Variants in KCNMA1 observed in about 807,000 individuals in gnomAD.
KCNMA1 encodes Calcium-activated potassium channel subunit alpha-1.
A neutral mutation model predicts 140.0 loss-of-function variants in KCNMA1; 29 were observed. That is an observed-to-expected ratio of 0.21 (90% confidence interval 0.15 to 0.28). KCNMA1 has a LOEUF of 0.28. Ranked by LOEUF, KCNMA1 falls within the 10% of genes least tolerant of loss-of-function variation. KCNMA1 has a pLI of 1.00. For synonymous variants in KCNMA1, 612 were observed against 611.9 expected (o/e 1.00, Z 0.00); for missense variants, 880 against 1,602.2 (o/e 0.55, Z 7.70).
chr10:77,437,972 C>T (rs922948148), intron 1 of KCNMA1, among the ~76,000 whole-genome samples: 4 of 152,182 alleles, frequency 2.6e-5, no homozygotes, highest in African/African-American at 9.7e-5. Flanking sequence ...AAGGGTGCAG[C>T]TGCTACCCAG....
At position 77,110,199 on chromosome 10, in the gene KCNMA1, T is replaced by G; in HGVS notation, c.1105A>C (p.Met369Leu). The change falls in exon 8 of 28, where the codon ATG (methionine) becomes CTG (leucine). Residue 369 changes from methionine to leucine, a missense_variant. This residue lies in a region of KCNMA1 where 198 missense variants were observed against 580.1 expected (regional missense o/e 0.34). Transcript: ENST00000286628. ...YAKTTLGRLFMVFFILGGLAM... is the reference protein window; with the variant it reads ...YAKTTLGRLFLVFFILGGLAM... The stretch of plus-strand genomic sequence containing the variant: ...AGTCCCCCGAGGATGAAGAAGACCA[T>G]GAAGAGGCGCCCAAGTGTGGTTTTT... The G allele has an allele frequency of 6.2e-7, 1 of 1,613,992 alleles. No individual in the cohort carries two copies. The highest frequency in any genetic ancestry group is 8.5e-7 in the Non-Finnish European group (1 of 1,179,956).
rs74840966 is a variant in KCNMA1, at chr10:76,984,664, T to C, written c.2267-14597A>G. On this transcript the variant is annotated intron_variant, in intron 19 of 27. Coordinates refer to ENST00000286628, the MANE Select transcript of KCNMA1 (RefSeq NM_001161352.2). ...ATAGATATTAGATTAAAATGGGAAC[T>C]TGCCACATAACAATAATCAGATAGC... Among the ~76,000 whole-genome samples the C allele has an allele frequency of 7.5e-4, 115 of 152,340 alleles. No individual in the cohort carries two copies. The East Asian group carries it at 0.021, about 28-fold the overall frequency.
intron 1 of KCNMA1, among the ~76,000 whole-genome samples, chr10:77,596,241 A>G (rs1178081636): frequency 1.3e-5 from 2 of 152,228 alleles, no homozygotes; most frequent in Non-Finnish European, 2.9e-5. Flanking sequence ...ATCTGTGGAC[A>G]GGGACACTGG....
At position 77,427,715 on chromosome 10, in the gene KCNMA1, CCATT is replaced by C. The variant is rs1393147815; in HGVS notation, c.379-23696_379-23693del. ...AAGTCATCCAATCCTGAGCATCCAT[CCATT>C]CATTTATTTATTTATTTATTTATTT... On this transcript the variant is annotated intron_variant, in intron 1 of 27. Transcript: ENST00000286628. Among the ~76,000 whole-genome samples, 524 of 62,062 alleles carry C rather than the reference CCATT, an allele frequency of 8.4e-3. 3 individuals are homozygous for C. The highest frequency in any genetic ancestry group is 0.034 in the African/African-American group (456 of 13,354). The allele number at this position is 62,062 out of a possible 152,430, so 40.7% of individuals were successfully genotyped here. A position where few individuals can be genotyped will look rare whatever the true frequency, so the allele number is the denominator to read the frequency against.
intron 15 of KCNMA1, among the ~76,000 whole-genome samples, chr10:77,028,878 A>C (rs575334279): frequency 1.3e-5 from 2 of 152,352 alleles, no homozygotes; most frequent in African/African-American, 2.4e-5. Context: ...CAAAAGGTGC[A>C]GTAAAATGTT....
intron 15 of KCNMA1, among the ~76,000 whole-genome samples, chr10:77,033,138 C>T (rs184512647): frequency 2.6e-5 from 4 of 152,168 alleles, no homozygotes; most frequent in Non-Finnish European, 4.4e-5. Flanking sequence ...GAAGTAGATA[C>T]GGATACAAAC....
At chr10:77,025,566 G>C (rs2093372233) in intron 16 of KCNMA1, 1 of 885,538 alleles carries the variant, frequency 1.1e-6, no homozygotes, top group African/African-American at 1.7e-5. Flanking sequence ...CTTGAAGGAT[G>C]CATGTGAAAA....
At chr10:77,203,381 A>AC (rs2043034854) in intron 3 of KCNMA1, among the ~76,000 whole-genome samples, 2 of 152,062 alleles carry the variant, frequency 1.3e-5, no homozygotes, top group Admixed American at 1.3e-4. Flanking sequence ...GCAAGCTCTT[A>AC]CTCATCCACC....
intron 16 of KCNMA1, 135 bp downstream of exon 16, chr10:77,027,688 T>C: frequency 2.5e-6 from 2 of 799,342 alleles, no homozygotes; most frequent in Non-Finnish European, 4.4e-6. Flanking sequence ...AAATGTGCTC[T>C]AGGGTCAGAG....
chr10:77,382,885 AAT>A (rs1217045657), intron 2 of KCNMA1, among the ~76,000 whole-genome samples: 2,505 of 91,002 alleles, frequency 0.028, 218 homozygotes, highest in East Asian at 0.049. Flanking sequence ...AAAAAAAAAA[AAT>A]ATATATATAT....
At chr10:77,265,756 A>AAAAAC (rs372390508) in intron 2 of KCNMA1, among the ~76,000 whole-genome samples, 2,086 of 152,152 alleles carry the variant, frequency 0.014, 47 homozygotes, top group African/African-American at 0.046. Flanking sequence ...CATGGCTGCT[A>AAAAAC]AAAACAAAAC....
At chr10:77,526,296 C>T (rs1367707081) in intron 1 of KCNMA1, among the ~76,000 whole-genome samples, 1 of 152,182 alleles carries the variant, frequency 6.6e-6, no homozygotes, top group Non-Finnish European at 1.5e-5. Flanking sequence ...CAATTTGAGT[C>T]AGTGTTCTTG....
At chr10:76,998,829 GAGA>G (rs964255321) in intron 19 of KCNMA1, among the ~76,000 whole-genome samples, 2 of 152,192 alleles carry the variant, frequency 1.3e-5, no homozygotes, top group Non-Finnish European at 2.9e-5. Flanking sequence ...TTTATAATTG[GAGA>G]AGAAGGGCTT....
At chr10:77,147,818 G>C (rs955846650) in intron 5 of KCNMA1, 3 of 152,190 alleles carry the variant, frequency 2.0e-5, no homozygotes, top group African/African-American at 7.2e-5. Flanking sequence ...AGTACCCACA[G>C]GTTTGATTAT....
chr10:77,199,307 A>T (rs2041718261), intron 3 of KCNMA1, among the ~76,000 whole-genome samples: 1 of 152,214 alleles, frequency 6.6e-6, no homozygotes, highest in Admixed American at 6.5e-5. Flanking sequence ...CATATAATTC[A>T]ATAAGACATG....
intron 2 of KCNMA1, among the ~76,000 whole-genome samples, chr10:77,382,923 C>CAT (rs1555265338): frequency 1.8e-5 from 2 of 108,454 alleles, no homozygotes; most frequent in Non-Finnish European, 1.8e-5. Flanking sequence ...CACACACATA[C>CAT]ATATATATAC....
intron 2 of KCNMA1, among the ~76,000 whole-genome samples, chr10:77,392,318 AG>A (rs1441933932): frequency 1.4e-5 from 2 of 142,584 alleles, no homozygotes; most frequent in Middle Eastern, 3.6e-3. Context: ...GAGGGAAGGG[AG>A]GGAGGCAGGG....
intron 1 of KCNMA1, among the ~76,000 whole-genome samples, chr10:77,431,574 G>A (rs975766811): frequency 2.0e-5 from 3 of 150,714 alleles, no homozygotes; most frequent in African/African-American, 7.3e-5. Context: ...CAGGCAGCTT[G>A]CAGACCACTG....
chr10:77,356,242 C>T (rs1450793064), intron 2 of KCNMA1, among the ~76,000 whole-genome samples: 5 of 152,138 alleles, frequency 3.3e-5, no homozygotes, highest in Non-Finnish European at 5.9e-5. Flanking sequence ...CCTGTTTTCT[C>T]TCCTGTAAAA....
Sources: allele counts gnomAD v4.1 joint callset (sites outside exome capture counted in the v4.1 genomes callset), GRCh38; gene constraint gnomAD v4.1.1; regional missense constraint gnomAD v4.1.1; transcripts MANE v1.5; gene names NCBI Gene and HGNC (gene_info 2026-07-23, HGNC 2026-07-21).